THSD4: variants seen among roughly 807,000 people sequenced by gnomAD.
THSD4 encodes thrombospondin type-1 domain-containing protein 4.
THSD4 carries 69 observed loss-of-function variants against 119.0 expected under a neutral mutation model. The ratio of observed to expected loss-of-function variants is 0.58; its 90% confidence interval spans 0.48 to 0.71. The LOEUF (loss-of-function observed/expected upper bound fraction) is 0.71, where lower values mean the gene tolerates loss of function less well. THSD4 is among the 30% of genes least tolerant of loss of function. The pLI is 0.00. For synonymous variants in THSD4, 524 were observed against 540.4 expected, an observed-to-expected ratio of 0.97 and a Z score of 0.42; for missense variants, 1,393 against 1,391.1, an observed-to-expected ratio of 1.00 and a Z score of -0.02.
intron 1 of THSD4, among the ~76,000 whole-genome samples, chr15:71,139,721 T>C (rs2040585265): frequency 6.6e-6 from 1 of 152,240 alleles, no homozygotes; most frequent in Non-Finnish European, 1.5e-5. Context: ...TATCTTTTTG[T>C]AAATCCTTGT....
At chr15:71,391,633 C>T (rs4777383) in intron 6 of THSD4, among the ~76,000 whole-genome samples, 30,161 of 152,124 alleles carry the variant, frequency 0.2, 3,735 homozygotes, top group East Asian at 0.54. Flanking sequence ...GACCAGGGTT[C>T]ATTCCAGGTA....
chr15:71,656,331 C>T (rs1009235326), intron 7 of THSD4, among the ~76,000 whole-genome samples: 2 of 152,162 alleles, frequency 1.3e-5, no homozygotes, highest in Admixed American at 6.5e-5. Context: ...CCGAAACTCT[C>T]TGCGCTCATT....
chr15:71,367,995 A>T (rs1430697511), intron 6 of THSD4, among the ~76,000 whole-genome samples: 1 of 152,174 alleles, frequency 6.6e-6, no homozygotes, highest in Non-Finnish European at 1.5e-5. Context: ...GTGAGATGGT[A>T]TCTCATTGTG....
intron 6 of THSD4, among the ~76,000 whole-genome samples, chr15:71,388,688 G>GTGTGTGTGTGTT (rs755711869): frequency 1.3e-5 from 2 of 151,596 alleles, no homozygotes; most frequent in South Asian, 2.1e-4. Context: ...GTGTGTGTGT[G>GTGTGTGTGTGTT]TGTGTAGGGA....
At chr15:71,293,897 A>G (rs1297877787) in intron 6 of THSD4, among the ~76,000 whole-genome samples, 1 of 152,122 alleles carries the variant, frequency 6.6e-6, no homozygotes, top group Non-Finnish European at 1.5e-5. Flanking sequence ...CACATGAAAC[A>G]GTCCCTCCCA....
chr15:71,315,536 C>T (rs1304458893), intron 6 of THSD4, among the ~76,000 whole-genome samples: 1 of 152,212 alleles, frequency 6.6e-6, no homozygotes, highest in Admixed American at 6.5e-5. Context: ...GGAAAGCACC[C>T]AGGATAGGAG....
chr15:71,748,534 T>C lies in THSD4; in HGVS notation c.2355T>C (p.Ile785=). The change falls in exon 14 of 18, where the codon ATT becomes ATC. Residue 785 remains isoleucine, a synonymous_variant. Coordinates refer to ENST00000261862, the MANE Select transcript of THSD4 (RefSeq NM_024817.3). ...ACATGAAGCTCCGGCCGAATGACAT[T>C]GAGAACTGCGACATGGGACCCTGTG... ...ECNMKLRPND[I]ENCDMGPCAK... 1 of 1,614,166 alleles carries C rather than the reference T, an allele frequency of 6.2e-7. No homozygotes were observed. The highest frequency in any genetic ancestry group is 8.5e-7 in the Non-Finnish European group (1 of 1,180,040).
intron 7 of THSD4, among the ~76,000 whole-genome samples, chr15:71,628,535 C>T (rs886823633): frequency 9.2e-5 from 14 of 152,260 alleles, no homozygotes; most frequent in African/African-American, 1.9e-4. Flanking sequence ...CCCTTTGGGA[C>T]GCATACACGA....
chr15:71,772,861 T>A (rs1194983207), intron 17 of THSD4, among the ~76,000 whole-genome samples: 8 of 152,058 alleles, frequency 5.3e-5, no homozygotes, highest in Admixed American at 5.2e-4. Flanking sequence ...AATATATAAA[T>A]GTCTAATGGA....
In THSD4 at chr15:71,781,006, A is replaced by G. The variant is rs1039096031; in HGVS notation, c.*3632A>G. 13 of 337,340 alleles carry G rather than the reference A, an allele frequency of 3.9e-5. No individual in the cohort carries two copies. The highest frequency in any genetic ancestry group is 2.3e-4 in the Admixed American group (6 of 25,926). 20.9% of individuals were successfully genotyped at this position (337,340 alleles called of 1,614,324 possible). A position where few individuals can be genotyped will look rare whatever the true frequency, so the allele number is the denominator to read the frequency against. The stretch of plus-strand genomic sequence containing the variant: ...TGGAATATCAATTCTAATGAGGAGG[A>G]AGACATAAATATAAGTGGTAAAAAG... On this transcript the variant is annotated 3_prime_UTR_variant, in exon 18 of 18. Coordinates refer to ENST00000261862, the MANE Select transcript of THSD4 (RefSeq NM_024817.3).
In THSD4 at chr15:71,728,912, T is replaced by C. The variant is rs553961899; in HGVS notation, c.1533+188T>C. 15 of 691,666 alleles carry C rather than the reference T, an allele frequency of 2.2e-5. No homozygotes were observed. In the East Asian group the frequency reaches 3.9e-4, roughly 18 times the overall value. 42.8% of individuals were successfully genotyped at this position (691,666 alleles called of 1,614,324 possible). A position where few individuals can be genotyped will look rare whatever the true frequency, so the allele number is the denominator to read the frequency against. Reference sequence around the variant, plus strand: ...GCCTTTACTTCTGAATGGGCCCAGCTCACAGCAACCTCCAACTCCACCAGA... The same window carrying C: ...GCCTTTACTTCTGAATGGGCCCAGCCCACAGCAACCTCCAACTCCACCAGA... On this transcript the variant is annotated intron_variant, in intron 9 of 17. Coordinates refer to ENST00000261862, the MANE Select transcript of THSD4 (RefSeq NM_024817.3).
At chr15:71,395,686 G>A (rs765841144) in intron 6 of THSD4, among the ~76,000 whole-genome samples, 10 of 152,002 alleles carry the variant, frequency 6.6e-5, no homozygotes, top group Non-Finnish European at 1.3e-4. Context: ...GGCTGCCAGT[G>A]AACTGAGATC....
intron 5 of THSD4, 138 bp from the exon 6 acceptor site, chr15:71,256,475 C>CAAAAAA (rs34819269): frequency 3.0e-6 from 1 of 334,036 alleles, no homozygotes. Context: ...GACTCCATCT[C>CAAAAAA]AAAAAAAAAA....
At chr15:71,359,858 CAG>C (rs1020694489) in intron 6 of THSD4, among the ~76,000 whole-genome samples, 36 of 151,542 alleles carry the variant, frequency 2.4e-4, no homozygotes, top group African/African-American at 8.0e-4. Flanking sequence ...ACAAAAAAAA[CAG>C]AGAAAGAAAA....
intron 6 of THSD4, among the ~76,000 whole-genome samples, chr15:71,275,767 G>A (rs1271471783): frequency 6.6e-6 from 1 of 152,102 alleles, no homozygotes; most frequent in African/African-American, 2.4e-5. Context: ...TAGTGAGTTA[G>A]TTCTCACGGG....
intron 2 of THSD4, among the ~76,000 whole-genome samples, chr15:71,154,656 C>T (rs1460059734): frequency 6.6e-6 from 1 of 152,236 alleles, no homozygotes; most frequent in Non-Finnish European, 1.5e-5. Context: ...TGTGATCCCA[C>T]ATCTGCCCCA....
chr15:71,578,463 C>T (rs2049497173), intron 7 of THSD4, among the ~76,000 whole-genome samples: 1 of 151,958 alleles, frequency 6.6e-6, no homozygotes, highest in African/African-American at 2.4e-5. Context: ...ATTATATAAA[C>T]TTTGTATAAT....
intron 1 of THSD4, among the ~76,000 whole-genome samples, chr15:71,124,135 C>T (rs533974434): frequency 9.2e-5 from 14 of 152,042 alleles, no homozygotes; most frequent in Admixed American, 2.0e-4. Context: ...ATTGGGGGTC[C>T]GCATATTTTC....
chr15:71,214,302 G>T (rs180946697), intron 3 of THSD4, among the ~76,000 whole-genome samples: 12 of 152,204 alleles, frequency 7.9e-5, no homozygotes, highest in Non-Finnish European at 1.5e-4. Context: ...ACTTGCTGAG[G>T]TATCTTTGTA....
Sources: allele counts gnomAD v4.1 joint callset (sites outside exome capture counted in the v4.1 genomes callset), GRCh38; gene constraint gnomAD v4.1.1; transcripts MANE v1.5; gene names NCBI Gene and HGNC (gene_info 2026-07-23, HGNC 2026-07-21).